The following DIDO1 variants were observed in gnomAD, a reference collection of about 807,000 sequenced individuals.
DIDO1 encodes death-inducer obliterator 1.
DIDO1 carries 16 observed loss-of-function variants against 99.4 expected under a neutral mutation model. The observed-to-expected ratio is 0.16, with a 90% CI of 0.11 to 0.24. DIDO1 has a LOEUF of 0.24. DIDO1 is among the 10% of genes least tolerant of loss of function. The pLI, the probability that DIDO1 is intolerant of heterozygous loss-of-function variation, is 1.00. For synonymous variants in DIDO1, 1,366 were observed against 1,239.1 expected (o/e 1.10, Z -2.15); for missense variants, 2,996 against 3,014.0 (o/e 0.99, Z 0.14).
At chr20:62,904,564 T>C (rs1007576673) in intron 6 of DIDO1, among the ~76,000 whole-genome samples, 1 of 152,024 alleles carries the variant, frequency 6.6e-6, no homozygotes, top group Non-Finnish European at 1.5e-5. Context: ...GCAGATCACA[T>C]GAGGCCAGGA....
At position 62,910,879 on chromosome 20, in the gene DIDO1, T is replaced by C. The variant is rs1397140863; in HGVS notation, c.734A>G (p.Asp245Gly). Residue 245 changes from aspartate (D) to glycine (G), a missense_variant, in exon 3 of 16, where the codon GAC becomes GGC. Coordinates refer to ENST00000395343, the MANE Select transcript of DIDO1 (RefSeq NM_001193369.2). ...GTCTCCAGGCTCCTCATCTTTGATGTCCTGAGCCGCCTTTCCCTCCAACTT... is the reference window on the plus strand; with the variant it reads ...GTCTCCAGGCTCCTCATCTTTGATGCCCTGAGCCGCCTTTCCCTCCAACTT... ...ESKLEGKAAQ[D>G]IKDEEPGDLG... is the part of the protein sequence containing the mutation. 1.2e-6 allele frequency: 2 copies of C among 1,614,040 alleles called. No individual in the cohort carries two copies. The highest frequency in any genetic ancestry group is 3.3e-5 in the Admixed American group (2 of 60,006).
At chr20:62,924,566 A>G (rs1404493879) in intron 1 of DIDO1, among the ~76,000 whole-genome samples, 1 of 152,220 alleles carries the variant, frequency 6.6e-6, no homozygotes, top group African/African-American at 2.4e-5. Context: ...CACAGTATCA[A>G]CAGCAGAACC....
Position 62,894,498 on chromosome 20 carries a change from A to C in DIDO1, c.2487T>G (p.Leu829=), listed in dbSNP as rs2064472004. The C allele has an allele frequency of 2.5e-6, 4 of 1,613,376 alleles. No homozygotes were observed. Among genetic ancestry groups the C allele is most frequent in the Non-Finnish European group, 3.4e-6 (4 of 1,180,020 alleles). The change falls in exon 11 of 16, where the codon CTT becomes CTG. Residue 829 remains leucine (L), a synonymous_variant. Transcript: ENST00000395343. This position sits in a 1 kb window ranked among gnomAD's most constrained non-coding sequence, Gnocchi z 4.4. ...TCAACATGCTGCTGAAGACGTCGAG[A>C]AGCGGCGCTGTGCTCTTCTCAGGGA... is the stretch of plus-strand genomic sequence containing the variant. ...RAVPEKSTAP[L]LDVFSSMLKD...
Position 62,894,426 on chromosome 20 carries a change from A to G in DIDO1, c.2559T>C (p.Cys853=), listed in dbSNP as rs1412723896. 1 of 1,612,438 alleles carries G rather than the reference A, an allele frequency of 6.2e-7. No homozygotes were observed. The change falls in exon 11 of 16, where the codon TGT becomes TGC. Residue 853 remains cysteine (C), a synonymous_variant. Transcript: ENST00000395343. The surrounding 1 kb of genome is among the most constrained non-coding windows in gnomAD (Gnocchi z 4.4). ...QHRAHLFDLN[C]KICTGQVPSA... ...CACTGTGCTCACCTGTGCAAATTTT[A>G]CAGTTGAGATCGAAGAGGTGTGCGC...
rs1365763125 is a variant in DIDO1 at position 62,900,287 on chromosome 20, T to C, written c.1589-3291A>G. Among the ~76,000 whole-genome samples, 8 of 152,352 alleles carry C rather than the reference T, an allele frequency of 5.3e-5. No individual in the cohort carries two copies. The East Asian group carries it at 1.4e-3, about 26-fold the overall frequency. On this transcript the variant is annotated intron_variant, in intron 6 of 15. Transcript: ENST00000395343. ...AGGCCACTGGCCCAGATGAAACTGT[T>C]GCTGCCGGGTCTGGGTTTCAGCCAA...
At chr20:62,922,280 G>C (rs1214713305) in intron 1 of DIDO1, among the ~76,000 whole-genome samples, 1 of 151,496 alleles carries the variant, frequency 6.6e-6, no homozygotes, top group African/African-American at 2.4e-5. Flanking sequence ...ACACACAGGT[G>C]TCTACCTGGC....
At chr20:62,918,926 TCA>T (rs1156448662) in intron 1 of DIDO1, among the ~76,000 whole-genome samples, 4 of 152,134 alleles carry the variant, frequency 2.6e-5, no homozygotes, top group African/African-American at 4.8e-5. Flanking sequence ...TCTTGATAGC[TCA>T]GTTTTCATTA....
intron 1 of DIDO1, among the ~76,000 whole-genome samples, chr20:62,919,018 G>A (rs1399249546): frequency 6.6e-6 from 1 of 152,164 alleles, no homozygotes; most frequent in Non-Finnish European, 1.5e-5. Flanking sequence ...GCCACCAGCA[G>A]CAGCCGTTCA....
At chr20:62,883,117 T>G (rs1314905258) in intron 15 of DIDO1, among the ~76,000 whole-genome samples, 1 of 151,594 alleles carries the variant, frequency 6.6e-6, no homozygotes, top group African/African-American at 2.4e-5. Context: ...AGATAAGAGG[T>G]TTCACCATGT....
rs1317803386 is a variant in DIDO1 at position 62,879,585 on chromosome 20, C to A, written c.6371G>T (p.Ser2124Ile). Residue 2124 changes from serine (S) to isoleucine (I), a missense_variant, in exon 16 of 16, where the codon AGC (serine) becomes ATC (isoleucine). Ser to Ile is a moderately radical substitution (Grantham distance 142, BLOSUM62 -2). Coordinates refer to ENST00000395343, the MANE Select transcript of DIDO1 (RefSeq NM_001193369.2). This position sits in a 1 kb window ranked among gnomAD's most constrained non-coding sequence, Gnocchi z 6.3. ...RRERERGRNW[S>I]RERDWDRPRE... ...GGGCCGGTCCCAGTCCCGCTCTCGG[C>A]TCCAGTTTCGGCCGCGCTCGCGCTC... 1 of 1,602,150 alleles carries A rather than the reference C, an allele frequency of 6.2e-7. No individual in the cohort carries two copies. Among genetic ancestry groups the A allele is most frequent in the Non-Finnish European group, 8.5e-7 (1 of 1,179,348 alleles).
chr20:62,918,432 G>C (rs527845597), intron 1 of DIDO1, among the ~76,000 whole-genome samples: 17 of 152,352 alleles, frequency 1.1e-4, no homozygotes, highest in African/African-American at 3.6e-4. Context: ...ACAGTGCCCA[G>C]CTCCCACCTA....
At position 62,881,669 on chromosome 20, in the gene DIDO1, C is replaced by T. The variant is rs77978751; in HGVS notation, c.4287G>A (p.Glu1429=). The T allele has an allele frequency of 4.3e-4, 694 of 1,612,814 alleles. 3 individuals carry two copies. In the African/African-American group the frequency reaches 8.2e-3, roughly 19 times the overall value. ...TCGCTTCTTCTAAGATGGTCTCATC[C>T]TCGGGGTCATAGGCCACCTCTTCCC... ...AEREEVAYDP[E]DETILEEAKV... is the part of the protein sequence containing the mutation. Residue 1429 remains glutamate (E), a synonymous_variant, in exon 16 of 16, where the codon GAG becomes GAA. Transcript: ENST00000395343. This position sits in a 1 kb window ranked among gnomAD's most constrained non-coding sequence, Gnocchi z 8.3.
intron 6 of DIDO1, among the ~76,000 whole-genome samples, chr20:62,903,888 C>A (rs1003229174): frequency 1.3e-5 from 2 of 152,140 alleles, no homozygotes; most frequent in East Asian, 1.9e-4. Context: ...CAGAGTACCC[C>A]GCTATGGGCA....
At chr20:62,933,757 G>A (rs1356103767) in intron 1 of DIDO1, among the ~76,000 whole-genome samples, 1 of 152,148 alleles carries the variant, frequency 6.6e-6, no homozygotes, top group Non-Finnish European at 1.5e-5. Flanking sequence ...TGTAGTCCCA[G>A]CTACTCAAGA....
chr20:62,928,738 G>A, upstream of DIDO1: 1 of 152,302 alleles, frequency 6.6e-6, no homozygotes, highest in Admixed American at 6.5e-5. Flanking sequence ...AACCCCACAA[G>A]TAGCACCGAT....
intron 1 of DIDO1, among the ~76,000 whole-genome samples, chr20:62,923,186 T>A (rs543279252): frequency 6.7e-6 from 1 of 149,320 alleles, no homozygotes; most frequent in East Asian, 2.0e-4. Context: ...ATTATTATTA[T>A]TTTTTTTTTG....
At position 62,910,838 on chromosome 20, in the gene DIDO1, G is replaced by T; in HGVS notation, c.775C>A (p.Pro259Thr). The change falls in exon 3 of 16, where the codon CCT becomes ACT. Residue 259 changes from proline to threonine, a missense_variant. Pro to Thr is a conservative substitution (Grantham distance 38). Transcript: ENST00000395343. ...TTGGGGTCGTAACCCTCACATTCAG[G>T]CTTCGGTCGGCCCAAGTCTCCAGGC... ...EEPGDLGRPKPECEGYDPNAL... is the reference protein window; with the variant it reads ...EEPGDLGRPKTECEGYDPNAL... The T allele has an allele frequency of 6.2e-7, 1 of 1,614,180 alleles. No individual in the cohort carries two copies. The highest frequency in any genetic ancestry group is 1.1e-5 in the South Asian group (1 of 91,086).
intron 6 of DIDO1, among the ~76,000 whole-genome samples, chr20:62,904,780 C>CAAAAAAAAAAAA (rs58039393): frequency 0.015 from 955 of 62,552 alleles, 86 homozygotes; most frequent in East Asian, 0.028. Flanking sequence ...ACTCTTGTCT[C>CAAAAAAAAAAAA]AAAAAAAAAA....
At chr20:62,885,663 C>A (rs948655414) in intron 15 of DIDO1, among the ~76,000 whole-genome samples, 3 of 152,276 alleles carry the variant, frequency 2.0e-5, no homozygotes, top group African/African-American at 7.2e-5. Context: ...CTGAATTTCC[C>A]CGCCATTTAA....
Sources: allele counts gnomAD v4.1 joint callset (sites outside exome capture counted in the v4.1 genomes callset), GRCh38; gene constraint gnomAD v4.1.1; non-coding constraint Gnocchi (gnomAD v3.1); transcripts MANE v1.5; gene names NCBI Gene and HGNC (gene_info 2026-07-23, HGNC 2026-07-21).